Variants in USP36 observed in about 807,000 individuals in gnomAD.
USP36 encodes the protein ubiquitin carboxyl-terminal hydrolase 36.
A neutral mutation model predicts 111.5 loss-of-function variants in USP36; 59 were observed. The observed-to-expected ratio is 0.53, with a 90% CI of 0.43 to 0.66. USP36 has a LOEUF of 0.66. Ranked by LOEUF, USP36 falls within the 30% of genes least tolerant of loss-of-function variation. USP36 has a pLI of 0.00. For missense variants in USP36, 1,488 were observed against 1,468.0 expected, an observed-to-expected ratio of 1.01 and a Z score of -0.22; for synonymous variants, 628 against 581.0, an observed-to-expected ratio of 1.08 and a Z score of -1.16.
chr17:78,813,181 C>A (rs1381213793), intron 12 of USP36, among the ~76,000 whole-genome samples, 180 bp from the exon 13 acceptor site: 1 of 152,172 alleles, frequency 6.6e-6, no homozygotes, highest in Non-Finnish European at 1.5e-5. Context: ...GAGAGATCAG[C>A]CCCAAGTATC....
chr17:78,790,528 T>C (rs906839808), intron 3 of USP36, among the ~76,000 whole-genome samples: 13 of 152,122 alleles, frequency 8.5e-5, no homozygotes, highest in Non-Finnish European at 1.6e-4. Flanking sequence ...CCTGACCTTG[T>C]GATCTGTCTG....
At chr17:78,817,222 T>A (rs1338549885) in intron 10 of USP36, among the ~76,000 whole-genome samples, 1 of 152,210 alleles carries the variant, frequency 6.6e-6, no homozygotes, top group Non-Finnish European at 1.5e-5. Context: ...TACGTCTGTG[T>A]AAATGCACTC....
intron 4 of USP36, among the ~76,000 whole-genome samples, chr17:78,830,494 GGTCA>G: frequency 6.6e-6 from 1 of 152,240 alleles, no homozygotes; most frequent in Non-Finnish European, 1.5e-5. Flanking sequence ...TGAGCACATG[GGTCA>G]GTTTCTCTAA....
chr17:78,799,730 G>A lies in USP36; in HGVS notation c.3061C>T (p.Arg1021Trp), dbSNP rs200421768. ...AGTTCCTGGACCACATCAGACTCCC[G>A]CTCTCCATTCCAAGACACAGGAGGG... ...QAPPVSWNGE[R>W]ESDVVQELLK... The change falls in exon 18 of 21, where the codon CGG (arginine) becomes TGG (tryptophan). Residue 1021 changes from arginine to tryptophan, a missense_variant. Arg to Trp is a moderately radical substitution (Grantham distance 101). Coordinates refer to ENST00000449938, the MANE Select transcript of USP36 (RefSeq NM_001385174.1). 32 of 1,611,976 alleles carry A rather than the reference G, an allele frequency of 2.0e-5. No homozygotes were observed. The highest frequency in any genetic ancestry group is 9.0e-5 in the East Asian group (4 of 44,572).
At chr17:78,814,637 A>G in intron 10 of USP36, 85 bp from the exon 11 acceptor site, 1 of 1,496,482 alleles carries the variant, frequency 6.7e-7, no homozygotes, top group Non-Finnish European at 9.0e-7. Context: ...AACCACACAA[A>G]ATGCCCAGCT....
downstream of USP36, among the ~76,000 whole-genome samples, chr17:78,794,875 T>C (rs2093609971): frequency 6.6e-6 from 1 of 151,806 alleles, no homozygotes. Flanking sequence ...GGCGTGGTGA[T>C]GCGTGCCTGT....
rs1353018764 is a variant in USP36, at chr17:78,806,239, G to T, written c.2133C>A (p.Pro711=). 1 of 1,613,870 alleles carries T rather than the reference G, an allele frequency of 6.2e-7. No individual in the cohort carries two copies. The highest frequency in any genetic ancestry group is 1.7e-5 in the Admixed American group (1 of 59,984). ...GGGTGAGGTCGGAGGATGGTGAGGG[G>T]GGAGGTGGACGGAGGTCATTGCCGG... ...RATGNDLRPP[P]PSPSSDLTHP... The change falls in exon 15 of 21, where the codon CCC becomes CCA. Residue 711 remains proline (P), a synonymous_variant. Transcript: ENST00000449938.
At chr17:78,815,124 G>C (rs2145270361) in intron 10 of USP36, among the ~76,000 whole-genome samples, 1 of 152,304 alleles carries the variant, frequency 6.6e-6, no homozygotes, top group South Asian at 2.1e-4. Flanking sequence ...ACAAGGTCAA[G>C]AGATTGAGAC....
intron 18 of USP36, 85 bp from the exon 19 acceptor site, chr17:78,799,108 G>C: frequency 1.5e-6 from 2 of 1,317,058 alleles, no homozygotes; most frequent in South Asian, 2.4e-5. Context: ...TTACCAACTA[G>C]TCTACTCATA....
At chr17:78,799,183 G>A (rs182335364) in intron 18 of USP36, among the ~76,000 whole-genome samples, 160 bp from the exon 19 acceptor site, 6 of 152,186 alleles carry the variant, frequency 3.9e-5, no homozygotes, top group South Asian at 4.1e-4. Flanking sequence ...ACGGCTCGAC[G>A]CCCATGTGTG....
intron 8 of USP36, among the ~76,000 whole-genome samples, chr17:78,820,542 G>T (rs762395340): frequency 3.3e-5 from 5 of 152,192 alleles, no homozygotes; most frequent in Non-Finnish European, 7.3e-5. Context: ...TTATCAGGAT[G>T]ATCTTGTAGC....
Position 78,807,377 on chromosome 17 carries a change from G to A in USP36, c.1667C>T (p.Thr556Ile). The stretch of plus-strand genomic sequence containing the variant: ...AGATCTGCTGCTATTCGAGTTGCTG[G>A]TCCCAGGCAGCCCCTGAGCAGTTCT... ...SPRTAQGLPG[T>I]SNSNSSRSGS... The change falls in exon 14 of 21, where the codon ACC (threonine) becomes ATC (isoleucine). Residue 556 changes from threonine to isoleucine, a missense_variant. Thr to Ile is a moderately conservative substitution (Grantham distance 89). Transcript: ENST00000449938. 3 of 1,614,232 alleles carry A rather than the reference G, an allele frequency of 1.9e-6. No individual in the cohort carries two copies. The highest frequency in any genetic ancestry group is 2.5e-6 in the Non-Finnish European group (3 of 1,180,034).
rs774163158 is a variant in USP36, at chr17:78,807,607, C to A, written c.1437G>T (p.Pro479=). 3 of 1,543,446 alleles carry A rather than the reference C, an allele frequency of 1.9e-6. No individual in the cohort carries two copies. Among genetic ancestry groups the A allele is most frequent in the South Asian group, 1.2e-5 (1 of 80,070 alleles). Residue 479 remains proline (P), a synonymous_variant, in exon 14 of 21, where the codon CCG becomes CCT. Transcript: ENST00000449938. The part of the protein sequence containing the change: ...KRQDSGTMKK[P]HTTEEIGVPI... ...GCACACCAATCTCTTCAGTGGTGTG[C>A]GGCTTCTTCATCGTCCCAGAGTCTT...
chr17:78,798,255 C>T lies in USP36; in HGVS notation c.*20+145G>A. 1.8e-6 allele frequency: 2 copies of T among 1,111,754 alleles called. No homozygotes were observed. The highest frequency in any genetic ancestry group is 2.5e-6 in the Non-Finnish European group (2 of 794,210). 68.9% of individuals were successfully genotyped at this position (1,111,754 alleles called of 1,614,324 possible). A position where few individuals can be genotyped will look rare whatever the true frequency, so the allele number is the denominator to read the frequency against. ...AGGACACACACCACAGACGCGCCCA[C>T]ACCACACACACCACCCAACACACAT... On this transcript the variant is annotated intron_variant, in intron 20 of 20. Transcript: ENST00000449938. The surrounding 1 kb of genome is among the most constrained non-coding windows in gnomAD (Gnocchi z 5.1).
chr17:78,806,557 C>T (rs903879203), intron 14 of USP36, among the ~76,000 whole-genome samples: 2 of 152,180 alleles, frequency 1.3e-5, no homozygotes, highest in South Asian at 2.1e-4. Flanking sequence ...CGTGGCTGCC[C>T]AAGCTTCCTG....
At position 78,798,793 on chromosome 17, in the gene USP36, C is replaced by A; in HGVS notation, c.3240+115G>T. On this transcript the variant is annotated intron_variant, in intron 19 of 20. Transcript: ENST00000449938. The surrounding 1 kb of genome is among the most constrained non-coding windows in gnomAD (Gnocchi z 5.1). ...GCCCGGACAGGCCTGGGCAGCCTGG[C>A]TCTTCTCATGCTCGGCCGCTTCATG... The A allele has an allele frequency of 7.5e-7, 1 of 1,334,366 alleles. No homozygotes were observed. Among genetic ancestry groups the A allele is most frequent in the Admixed American group, 1.8e-5 (1 of 57,066 alleles). 82.7% of individuals were successfully genotyped at this position (1,334,366 alleles called of 1,614,324 possible).
intron 13 of USP36, among the ~76,000 whole-genome samples, chr17:78,808,234 G>A (rs12942645): frequency 0.021 from 3,069 of 147,434 alleles, 96 homozygotes; most frequent in South Asian, 0.15. Flanking sequence ...GCATTTTTAT[G>A]GGCGATAACT....
chr17:78,788,721 C>T (rs2093556700), intron 3 of USP36, among the ~76,000 whole-genome samples: 1 of 152,092 alleles, frequency 6.6e-6, no homozygotes, highest in South Asian at 2.1e-4. Context: ...GTAGGTATTG[C>T]TGAGGCCATC....
At chr17:78,833,870 T>C (rs1311389075) in intron 4 of USP36, among the ~76,000 whole-genome samples, 1 of 152,194 alleles carries the variant, frequency 6.6e-6, no homozygotes, top group African/African-American at 2.4e-5. Context: ...TTATAGGAAC[T>C]TTATAGAATG....
Sources: gnomAD v4.1 joint callset for allele counts (sites outside exome capture counted in the v4.1 genomes callset) on GRCh38, gnomAD v4.1.1 for gene constraint, Gnocchi (gnomAD v3.1) non-coding constraint, MANE v1.5 for transcripts, NCBI Gene and HGNC (gene_info 2026-07-23, HGNC 2026-07-21) for gene names.